FBXW8: variants seen among roughly 807,000 people sequenced by gnomAD.
FBXW8 encodes the protein F-box and WD repeat domain containing 8.
In FBXW8, 57 loss-of-function variants were observed where a neutral mutation model predicts 65.3. The ratio of observed to expected loss-of-function variants is 0.87; its 90% CI spans 0.71 to 1.09. The LOEUF is 1.09. FBXW8 is among the 50% of genes least tolerant of loss of function. The pLI is 0.00. For synonymous variants in FBXW8, 308 were observed against 330.2 expected (o/e 0.93, Z 0.73); for missense variants, 777 against 814.8 (o/e 0.95, Z 0.57).
chr12:116,921,113 C>G (rs545172850), intron 1 of FBXW8, among the ~76,000 whole-genome samples: 38 of 152,316 alleles, frequency 2.5e-4, no homozygotes, highest in Non-Finnish European at 4.6e-4. Context: ...TACCTTCTTT[C>G]CTTGCCAGAG....
At chr12:116,993,571 T>A (rs556312327) in intron 7 of FBXW8, among the ~76,000 whole-genome samples, 2 of 152,366 alleles carry the variant, frequency 1.3e-5, no homozygotes, top group Admixed American at 1.3e-4. Flanking sequence ...ATTTGCCCAC[T>A]TTTTAATGGG....
intron 10 of FBXW8, among the ~76,000 whole-genome samples, chr12:117,027,726 CAG>C (rs1219654714): frequency 6.6e-6 from 1 of 152,242 alleles, no homozygotes; most frequent in Non-Finnish European, 1.5e-5. Context: ...GTCGGCTGTA[CAG>C]AGAGGGAGGG....
intron 5 of FBXW8, among the ~76,000 whole-genome samples, chr12:116,965,960 G>T: frequency 7.2e-6 from 1 of 138,288 alleles, no homozygotes; most frequent in African/African-American, 2.6e-5. Flanking sequence ...ATGGAGTTTT[G>T]CCGTGTTGTC....
At chr12:117,013,661 A>G (rs1953878182) in intron 8 of FBXW8, among the ~76,000 whole-genome samples, 1 of 152,224 alleles carries the variant, frequency 6.6e-6, no homozygotes, top group South Asian at 2.1e-4. Flanking sequence ...GACTTTTACA[A>G]TAGCATCATA....
rs1555219903 is a variant in FBXW8, at chr12:116,954,133, A to AAT, written c.677+4428_677+4429insTA. ...TCTCAAAAAAAAAAAAAAAAAAAAA[A>AAT]AGAAAAAGCAGTGGTAAAAACCATG... is the stretch of plus-strand genomic sequence containing the variant. On this transcript the variant is annotated intron_variant, in intron 4 of 10. Transcript: ENST00000652555. 2.6e-4 allele frequency among the ~76,000 whole-genome samples: 37 copies of AAT among 142,752 alleles called. 2 individuals are homozygous for AAT. The highest frequency in any genetic ancestry group is 4.4e-4 in the South Asian group (2 of 4,532). 93.7% of individuals were successfully genotyped at this position (142,752 alleles called of 152,430 possible). A position where few individuals can be genotyped will look rare whatever the true frequency, so the allele number is the denominator to read the frequency against.
chr12:116,964,637 C>G, intron 4 of FBXW8, 60 bp from the exon 5 acceptor site: 1 of 1,596,012 alleles, frequency 6.3e-7, no homozygotes, highest in South Asian at 1.1e-5. Flanking sequence ...TGTGCATTTT[C>G]CCCACCATAG....
intron 1 of FBXW8, among the ~76,000 whole-genome samples, chr12:116,921,516 A>G (rs1261826323): frequency 1.3e-5 from 2 of 152,120 alleles, no homozygotes; most frequent in Admixed American, 6.5e-5. Context: ...AGTCTCCTGT[A>G]TTTCATTTTA....
At chr12:116,983,839 G>A (rs765675432) in intron 5 of FBXW8, among the ~76,000 whole-genome samples, 4 of 152,218 alleles carry the variant, frequency 2.6e-5, no homozygotes, top group South Asian at 2.1e-4. Flanking sequence ...TCAGTGCTTC[G>A]TGTGGCCGGT....
chr12:116,976,448 T>TGCA (rs1884941699), intron 5 of FBXW8, among the ~76,000 whole-genome samples: 1 of 120,700 alleles, frequency 8.3e-6, no homozygotes, highest in Non-Finnish European at 1.7e-5. Context: ...TTCCAAAGGA[T>TGCA]CCTTTTTTTT....
chr12:116,938,761 C>T (rs1882343803), intron 2 of FBXW8, among the ~76,000 whole-genome samples: 1 of 152,212 alleles, frequency 6.6e-6, no homozygotes, highest in African/African-American at 2.4e-5. Flanking sequence ...TCAGAGGCTC[C>T]ATCCAACAAA....
chr12:116,918,776 G>A (rs1413769639), intron 1 of FBXW8, among the ~76,000 whole-genome samples: 2 of 152,098 alleles, frequency 1.3e-5, no homozygotes, highest in African/African-American at 4.8e-5. Flanking sequence ...GGAGTGGGAT[G>A]GTTTCCTAAA....
intron 7 of FBXW8, among the ~76,000 whole-genome samples, chr12:116,999,414 G>GC (rs1953454379): frequency 6.6e-6 from 1 of 152,220 alleles, no homozygotes; most frequent in African/African-American, 2.4e-5. Context: ...AGGCCATCTG[G>GC]CCCGGGTGGC....
chr12:116,914,951 G>GC (rs1176289712), intron 1 of FBXW8, among the ~76,000 whole-genome samples: 5 of 152,238 alleles, frequency 3.3e-5, no homozygotes, highest in African/African-American at 1.2e-4. Flanking sequence ...TTCATTGTGT[G>GC]CGTAAACTGT....
intron 1 of FBXW8, among the ~76,000 whole-genome samples, chr12:116,917,899 G>A (rs907544799): frequency 2.7e-5 from 4 of 149,914 alleles, no homozygotes; most frequent in African/African-American, 9.8e-5. Context: ...GGCTGAGGCA[G>A]AAGAATTGCT....
intron 9 of FBXW8, among the ~76,000 whole-genome samples, chr12:117,025,732 C>T (rs1194183545): frequency 6.6e-6 from 1 of 152,220 alleles, no homozygotes; most frequent in African/African-American, 2.4e-5. Flanking sequence ...CAGGTGGTGC[C>T]AAACGGCAAC....
intron 2 of FBXW8, among the ~76,000 whole-genome samples, chr12:116,928,589 T>C (rs17501253): frequency 0.093 from 14,219 of 152,216 alleles, 839 homozygotes; most frequent in Middle Eastern, 0.21. Flanking sequence ...CTTTAAACTT[T>C]AGGATCTCAC....
At chr12:116,929,205 T>C (rs1361804294) in intron 2 of FBXW8, among the ~76,000 whole-genome samples, 2 of 152,158 alleles carry the variant, frequency 1.3e-5, no homozygotes, top group East Asian at 3.9e-4. Context: ...TCTCTTGTTC[T>C]CGTCTTTTTG....
At chr12:116,928,230 C>T in intron 2 of FBXW8, 103 bp downstream of exon 2, 5 of 786,582 alleles carry the variant, frequency 6.4e-6, no homozygotes, top group Non-Finnish European at 1.1e-5. Context: ...ATAAACTTTG[C>T]AGAATTAATG....
intron 1 of FBXW8, among the ~76,000 whole-genome samples, chr12:116,920,205 T>C (rs1199507689): frequency 1.3e-5 from 2 of 152,250 alleles, no homozygotes; most frequent in African/African-American, 4.8e-5. Context: ...TTTTTTCATG[T>C]TATTCGTGAA....
Sources: gnomAD v4.1 joint callset for allele counts (sites outside exome capture counted in the v4.1 genomes callset) on GRCh38, gnomAD v4.1.1 for gene constraint, MANE v1.5 for transcripts, NCBI Gene and HGNC (gene_info 2026-07-23, HGNC 2026-07-21) for gene names.